Variants in NCOR2 observed in about 807,000 individuals in gnomAD.
NCOR2 encodes the protein nuclear receptor corepressor 2, also known as CTG repeat protein 26.
NCOR2 carries 81 observed loss-of-function variants against 262.9 expected under a neutral mutation model. The ratio of observed to expected loss-of-function variants is 0.31; its 90% confidence interval spans 0.26 to 0.37. The LOEUF is 0.37. Ranked by LOEUF, NCOR2 falls within the 10% of genes least tolerant of loss-of-function variation. The pLI, the probability that NCOR2 is intolerant of heterozygous loss-of-function variation, is 1.00. For synonymous variants in NCOR2, 1,659 were observed against 1,559.3 expected, an observed-to-expected ratio of 1.06 and a Z score of -1.51; for missense variants, 3,385 against 3,621.4, an observed-to-expected ratio of 0.93 and a Z score of 1.68.
chr12:124,431,586 C>G (rs529527212), intron 8 of NCOR2, among the ~76,000 whole-genome samples: 20 of 151,522 alleles, frequency 1.3e-4, no homozygotes, highest in African/African-American at 4.4e-4. Flanking sequence ...CACACACACA[C>G]AGATATATGC....
chr12:124,372,057 G>C, exon 20 of NCOR2: 3 of 1,603,394 alleles, frequency 1.9e-6, no homozygotes, highest in Non-Finnish European at 2.5e-6. Flanking sequence ...CATCCACCTC[G>C]TCTGCACTGC....
intron 16 of NCOR2, chr12:124,388,850 T>C: frequency 9.6e-7 from 1 of 1,041,258 alleles, no homozygotes; most frequent in South Asian, 1.4e-5. Flanking sequence ...CCTCACATCC[T>C]TCTCCGTCCC....
chr12:124,398,791 C>G (rs1004203107), intron 15 of NCOR2, among the ~76,000 whole-genome samples: 2 of 152,202 alleles, frequency 1.3e-5, no homozygotes, highest in Non-Finnish European at 2.9e-5. Flanking sequence ...GGAGTAAAAT[C>G]GCCCATGGCG....
intron 3 of NCOR2, among the ~76,000 whole-genome samples, chr12:124,478,653 C>G (rs1176762331): frequency 6.6e-6 from 1 of 152,064 alleles, no homozygotes; most frequent in East Asian, 1.9e-4. Flanking sequence ...CCAGGCTGGT[C>G]AGGCCCCAGC....
intron 18 of NCOR2, among the ~76,000 whole-genome samples, chr12:124,375,596 A>G (rs2039927951): frequency 6.6e-6 from 1 of 152,164 alleles, no homozygotes; most frequent in Admixed American, 6.5e-5. Flanking sequence ...AAAACCACCA[A>G]AAATAAAAAA....
intron 5 of NCOR2, among the ~76,000 whole-genome samples, chr12:124,459,589 C>T (rs1034756267): frequency 6.6e-6 from 1 of 152,150 alleles, no homozygotes. Context: ...TCCCCATTCA[C>T]GAAACGGCCA....
chr12:124,376,981 A>G (rs1162418786), intron 18 of NCOR2, among the ~76,000 whole-genome samples: 1 of 152,158 alleles, frequency 6.6e-6, no homozygotes, highest in East Asian at 1.9e-4. Context: ...GTCACGCCAC[A>G]GGGGGAGCAG....
chr12:124,434,326 T>C lies in NCOR2; in HGVS notation c.883-3539A>G, dbSNP rs2044204850. On this transcript the variant is annotated intron_variant, in intron 8 of 46. Transcript: ENST00000405201. ...AATGAAGTCAGGGACTTCGGCTTCT[T>C]ATACCACAACAAAGAGACCATCCCA... Among the ~76,000 whole-genome samples, 7 of 152,090 alleles carry C rather than the reference T, an allele frequency of 4.6e-5. No individual in the cohort carries two copies. The South Asian group carries it at 1.4e-3, about 32-fold the overall frequency.
intron 8 of NCOR2, among the ~76,000 whole-genome samples, chr12:124,436,702 C>T (rs2044353962): frequency 6.6e-6 from 1 of 152,248 alleles, no homozygotes; most frequent in African/African-American, 2.4e-5. Flanking sequence ...GTGATACCAT[C>T]CGAGAAAGCA....
At chr12:124,382,223 C>T (rs1489997825) in intron 17 of NCOR2, among the ~76,000 whole-genome samples, 1 of 152,224 alleles carries the variant, frequency 6.6e-6, no homozygotes, top group African/African-American at 2.4e-5. Context: ...CCTGGTGAGA[C>T]CTGCTTGCTT....
chr12:124,416,869 T>A (rs915975695), intron 13 of NCOR2, among the ~76,000 whole-genome samples: 1 of 145,324 alleles, frequency 6.9e-6, no homozygotes. Flanking sequence ...GTGGCACAGA[T>A]AGACCCGCCG....
chr12:124,557,954 T>C (rs1594072526), intron 1 of NCOR2, among the ~76,000 whole-genome samples: 1 of 152,044 alleles, frequency 6.6e-6, no homozygotes, highest in Non-Finnish European at 1.5e-5. Flanking sequence ...CTGACAGGCC[T>C]GGCCCAGCCT....
rs928242332 is a variant in NCOR2, at chr12:124,438,075, A to T, written c.816-79T>A. On this transcript the variant is annotated intron_variant, in intron 7 of 46. Transcript: ENST00000405201. ...ACCCCGTGCCATCCTGTTTGCTGAG[A>T]GTGAGCCCCAAATTTGCCCCGTTAT... 4.3e-6 allele frequency: 6 copies of T among 1,398,356 alleles called. No individual in the cohort carries two copies. The African/African-American group carries it at 8.6e-5, about 20-fold the overall frequency. The allele number at this position is 1,398,356 out of a possible 1,614,324, so 86.6% of individuals were successfully genotyped here.
chr12:124,428,223 C>T (rs2043705269), intron 10 of NCOR2, among the ~76,000 whole-genome samples: 2 of 152,238 alleles, frequency 1.3e-5, no homozygotes. Flanking sequence ...CATAAGTGCA[C>T]AGCATCGGTG....
rs777584266 is a variant in NCOR2 at position 124,400,495 on chromosome 12, G to C, written c.1813+6C>G. On this transcript the variant is annotated splice_donor_region_variant and intron_variant, in intron 15 of 46. Coordinates refer to ENST00000405201, the Ensembl canonical transcript of NCOR2. The stretch of plus-strand genomic sequence containing the variant: ...TCCCCACCCGCATCCCTGGCCCCCA[G>C]CTCACCCAGCTCGGCGCTCTGCTGG... 6.2e-7 allele frequency: 1 copy of C among 1,610,244 alleles called. No homozygotes were observed. The highest frequency in any genetic ancestry group is 8.5e-7 in the Non-Finnish European group (1 of 1,177,278).
At chr12:124,527,218 G>A (rs874661) in intron 1 of NCOR2, among the ~76,000 whole-genome samples, 4,828 of 152,122 alleles carry the variant, frequency 0.032, 248 homozygotes, top group African/African-American at 0.11. Context: ...GCACAGACGC[G>A]GCCACAGCAC....
intron 1 of NCOR2, among the ~76,000 whole-genome samples, 154 bp from the exon 4 acceptor site, chr12:124,486,722 T>C (rs148290212): frequency 2.7e-4 from 41 of 152,266 alleles, no homozygotes; most frequent in African/African-American, 9.1e-4. Flanking sequence ...TCAGGGACCG[T>C]CTGGCCAGAG....
intron 7 of NCOR2, among the ~76,000 whole-genome samples, chr12:124,442,546 T>C (rs1484037390): frequency 2.0e-5 from 3 of 152,208 alleles, no homozygotes; most frequent in African/African-American, 2.4e-5. Context: ...ACTCTTCTGT[T>C]GCACAACGTA....
rs2034536286 is a variant in NCOR2 at position 124,325,383 on chromosome 12, C to CT, written c.*18_*19insA. 3 of 440,022 alleles carry CT rather than the reference C, an allele frequency of 6.8e-6. 1 individual carries two copies. Among genetic ancestry groups the CT allele is most frequent in the African/African-American group, 4.8e-5 (2 of 41,666 alleles). The allele number at this position is 440,022 out of a possible 1,614,324, so 27.3% of individuals were successfully genotyped here. ...CTCGCTGGGACCTGACACCGCCCCC[C>CT]CCCCCGCCCTGTTCTGAGTCACTCG... On this transcript the variant is annotated 3_prime_UTR_variant, in exon 47 of 47. Coordinates refer to ENST00000405201, the Ensembl canonical transcript of NCOR2.
Sources: allele counts gnomAD v4.1 joint callset (sites outside exome capture counted in the v4.1 genomes callset), GRCh38; gene constraint gnomAD v4.1.1; transcripts MANE v1.5; gene names NCBI Gene and HGNC (gene_info 2026-07-23, HGNC 2026-07-21).